DTHD1: variants seen among roughly 807,000 people sequenced by gnomAD.
The protein encoded by DTHD1 is death domain-containing protein 1.
In DTHD1, 59 loss-of-function variants were observed where a neutral mutation model predicts 74.8. The observed-to-expected ratio is 0.79, with a 90% CI of 0.64 to 0.98. The LOEUF (loss-of-function observed/expected upper bound fraction) is 0.98, where lower values mean the gene tolerates loss of function less well. Among genes scored for constraint, DTHD1 ranks in the 50% least tolerant of loss-of-function variants. The probability of loss-of-function intolerance (pLI) is 0.00; values close to 1 mark genes in which losing one functional copy is unlikely to be tolerated. For missense variants in DTHD1, 1,051 were observed against 1,065.4 expected, an observed-to-expected ratio of 0.99 and a Z score of 0.19; for synonymous variants, 365 against 371.1, an observed-to-expected ratio of 0.98 and a Z score of 0.19.
Position 36,316,478 on chromosome 4 carries a change from T to C in DTHD1, c.2332T>C (p.Leu778=). ...GCCAATTTGCAAATTACCATTGAAATTGCCAAAGGTGAGTTATTTTACTTT... is the reference window on the plus strand; with the variant it reads ...GCCAATTTGCAAATTACCATTGAAACTGCCAAAGGTGAGTTATTTTACTTT... The part of the protein sequence containing the change: ...QLPICKLPLK[L]PKHKKLINRP... Residue 778 remains leucine (L), a synonymous_variant, in exon 8 of 10, where the codon TTG becomes CTG. Transcript: ENST00000639862. 1 of 1,547,474 alleles carries C rather than the reference T, an allele frequency of 6.5e-7. No individual in the cohort carries two copies. Among genetic ancestry groups the C allele is most frequent in the African/African-American group, 1.4e-5 (1 of 72,842 alleles).
chr4:36,318,458 G>A (rs1350108916), intron 8 of DTHD1, among the ~76,000 whole-genome samples: 1 of 152,168 alleles, frequency 6.6e-6, no homozygotes, highest in Non-Finnish European at 1.5e-5. Context: ...TTTACTTGCT[G>A]TTTTGGGGGA....
At position 36,344,057 on chromosome 4, in the gene DTHD1, T is replaced by C. The variant is rs2109589579; in HGVS notation, c.*233T>C. ...ATTATGTTTTGCAACCATGACTGTC[T>C]TGAGTTTGGCCTCACTTAATAGCAT... On this transcript the variant is annotated 3_prime_UTR_variant, in exon 10 of 10. Coordinates refer to ENST00000639862, the MANE Select transcript of DTHD1 (RefSeq NM_001170700.3). 2.0e-6 allele frequency: 1 copy of C among 496,370 alleles called. No homozygotes were observed. Among genetic ancestry groups the C allele is most frequent in the East Asian group, 3.4e-5 (1 of 29,692 alleles). 30.7% of individuals were successfully genotyped at this position (496,370 alleles called of 1,614,324 possible).
chr4:36,294,317 A>G (rs1756261670), intron 4 of DTHD1, among the ~76,000 whole-genome samples: 1 of 152,088 alleles, frequency 6.6e-6, no homozygotes, highest in South Asian at 2.1e-4. Flanking sequence ...AAGAACGATT[A>G]GGAAGAAAAC....
chr4:36,341,380 T>C (rs1759305202), intron 9 of DTHD1, among the ~76,000 whole-genome samples: 1 of 152,002 alleles, frequency 6.6e-6, no homozygotes, highest in Non-Finnish European at 1.5e-5. Context: ...GAATGAGATT[T>C]TGTAAGAAAG....
chr4:36,321,049 G>T (rs1026087449), intron 8 of DTHD1, among the ~76,000 whole-genome samples: 2 of 152,156 alleles, frequency 1.3e-5, no homozygotes, highest in Non-Finnish European at 2.9e-5. Context: ...TCATACTTGT[G>T]AGGATCTCTG....
chr4:36,303,470 T>C (rs1045986468), intron 5 of DTHD1, among the ~76,000 whole-genome samples: 19 of 152,214 alleles, frequency 1.2e-4, no homozygotes, highest in African/African-American at 4.3e-4. Flanking sequence ...TCTATATATT[T>C]TTTCCTCAAC....
chr4:36,286,721 C>T (rs1359008990), intron 2 of DTHD1, among the ~76,000 whole-genome samples: 1 of 152,146 alleles, frequency 6.6e-6, no homozygotes, highest in Non-Finnish European at 1.5e-5. Context: ...CACGCTTAGT[C>T]TACATGGTAT....
rs1283506473 is a variant in DTHD1, at chr4:36,346,144, C to T, written c.*2320C>T. Among the ~76,000 whole-genome samples the T allele has an allele frequency of 6.6e-6, 1 of 151,830 alleles. No homozygotes were observed. Among genetic ancestry groups the T allele is most frequent in the African/African-American group, 2.4e-5 (1 of 41,342 alleles). On this transcript the variant is annotated 3_prime_UTR_variant, in exon 10 of 10. Coordinates refer to ENST00000639862, the MANE Select transcript of DTHD1 (RefSeq NM_001170700.3). ...CCCTCACACACATATAGTTTCAGAT[C>T]CACTTGTACACTCTCACAAATGTCC... is the stretch of plus-strand genomic sequence containing the variant.
chr4:36,302,179 T>C (rs1578451347), intron 5 of DTHD1, among the ~76,000 whole-genome samples: 1 of 152,204 alleles, frequency 6.6e-6, no homozygotes. Flanking sequence ...GTGGCACATG[T>C]AGGTAAATAC....
Position 36,316,233 on chromosome 4 carries a change from T to C in DTHD1, c.2096-9T>C. 1 of 1,547,740 alleles carries C rather than the reference T, an allele frequency of 6.5e-7. No individual in the cohort carries two copies. Among genetic ancestry groups the C allele is most frequent in the Non-Finnish European group, 8.7e-7 (1 of 1,146,070 alleles). ...TTAATGGTAATAAATACATTTTACT[T>C]CTATTTAGGCAACGGGAAGGATTAT... On this transcript the variant is annotated splice_polypyrimidine_tract_variant and intron_variant, in intron 7 of 9. Coordinates refer to ENST00000639862, the MANE Select transcript of DTHD1 (RefSeq NM_001170700.3).
chr4:36,304,058 G>A (rs954776743), intron 5 of DTHD1, among the ~76,000 whole-genome samples: 5 of 152,186 alleles, frequency 3.3e-5, no homozygotes, highest in African/African-American at 1.2e-4. Context: ...ATATTCTGGT[G>A]AGCAGCATTA....
chr4:36,342,286 G>A (rs866167397), intron 9 of DTHD1, among the ~76,000 whole-genome samples: 5 of 152,118 alleles, frequency 3.3e-5, no homozygotes, highest in African/African-American at 9.7e-5. Flanking sequence ...CCTTGTTTTC[G>A]CAGAAAGGTG....
In DTHD1 at chr4:36,284,307, A is replaced by T. The variant is rs6824507; in HGVS notation, c.603A>T (p.Val201=). 1 of 1,537,076 alleles carries T rather than the reference A, an allele frequency of 6.5e-7. No individual in the cohort carries two copies. Among genetic ancestry groups the T allele is most frequent in the South Asian group, 1.2e-5 (1 of 84,062 alleles). The part of the protein sequence containing the change: ...KENNTSLNGR[V]LGQEESQNKM... ...ACAATACATCACTGAATGGACGTGTACTGGGGCAAGAAGAGTCACAGAATA... is the reference window on the plus strand; with the variant it reads ...ACAATACATCACTGAATGGACGTGTTCTGGGGCAAGAAGAGTCACAGAATA... Residue 201 remains valine, a synonymous_variant, in exon 2 of 10, where the codon GTA becomes GTT. Coordinates refer to ENST00000639862, the MANE Select transcript of DTHD1 (RefSeq NM_001170700.3).
At chr4:36,312,242 G>A (rs964144478) in intron 7 of DTHD1, among the ~76,000 whole-genome samples, 110 of 151,562 alleles carry the variant, frequency 7.3e-4, no homozygotes, top group African/African-American at 2.6e-3. Context: ...ATAACATCTA[G>A]TAATGCCCTG....
intron 6 of DTHD1, 30 bp downstream of exon 6, chr4:36,306,382 T>A (rs368113351): frequency 6.6e-7 from 1 of 1,512,332 alleles, no homozygotes. Flanking sequence ...TCAAAGTTGA[T>A]GATACTCTTT....
intron 2 of DTHD1, among the ~76,000 whole-genome samples, 159 bp from the exon 3 acceptor site, chr4:36,290,214 G>T (rs1755981190): frequency 6.6e-6 from 1 of 152,174 alleles, no homozygotes; most frequent in African/African-American, 2.4e-5. Context: ...GGAAACTGAG[G>T]CACAGAGAGG....
At chr4:36,323,559 T>C (rs980795604) in intron 8 of DTHD1, among the ~76,000 whole-genome samples, 1 of 94,704 alleles carries the variant, frequency 1.1e-5, no homozygotes, top group Non-Finnish European at 2.8e-5. Context: ...AAATGGAACT[T>C]ATTATGTTAT....
rs373949236 is a variant in DTHD1, at chr4:36,306,315, G to A, written c.1768G>A (p.Gly590Ser). 328 of 1,551,106 alleles carry A rather than the reference G, an allele frequency of 2.1e-4. 4 individuals are homozygous for A. In the South Asian group the frequency reaches 3.6e-3, roughly 17 times the overall value. ...TGATGTTGTGAAAACCATACAGAGC[G>A]GCTTGGTATCAGTTGAATTGTATGA... The part of the protein sequence containing the change: ...LDDVVKTIQS[G>S]LVSVELYEHL... Residue 590 changes from glycine to serine, a missense_variant, in exon 6 of 10, where the codon GGC (glycine) becomes AGC (serine). Gly to Ser is a moderately conservative substitution (Grantham distance 56). Coordinates refer to ENST00000639862, the MANE Select transcript of DTHD1 (RefSeq NM_001170700.3).
intron 7 of DTHD1, among the ~76,000 whole-genome samples, chr4:36,310,200 A>G (rs1757314767): frequency 6.6e-6 from 1 of 152,152 alleles, no homozygotes; most frequent in South Asian, 2.1e-4. Flanking sequence ...ATGAATGATT[A>G]TATGACAGTG....
Sources: gnomAD v4.1 joint callset for allele counts (sites outside exome capture counted in the v4.1 genomes callset) on GRCh38, gnomAD v4.1.1 for gene constraint, MANE v1.5 for transcripts, NCBI Gene and HGNC (gene_info 2026-07-23, HGNC 2026-07-21) for gene names.